Variants in ZNF723 observed in about 807,000 individuals in gnomAD.
ZNF723 encodes zinc finger protein 723.
In ZNF723, 5 loss-of-function variants were observed where a neutral mutation model predicts 9.4. The ratio of observed to expected loss-of-function variants is 0.53; its 90% CI spans 0.28 to 1.12. The LOEUF is 1.12. ZNF723 is among the 50% of genes most tolerant of loss of function. The pLI is 0.10. For missense variants in ZNF723, 450 were observed against 501.5 expected, an observed-to-expected ratio of 0.90 and a Z score of 0.98; for synonymous variants, 158 against 168.8, an observed-to-expected ratio of 0.94 and a Z score of 0.49.
chr19:22,838,247 C>T (rs1339230537), intron 1 of ZNF723, among the ~76,000 whole-genome samples: 1 of 152,120 alleles, frequency 6.6e-6, no homozygotes, highest in African/African-American at 2.4e-5. Context: ...TATTATTTAG[C>T]TCTTACTTAG....
At chr19:22,840,212 C>T (rs1967223643) in intron 1 of ZNF723, among the ~76,000 whole-genome samples, 1 of 151,778 alleles carries the variant, frequency 6.6e-6, no homozygotes, top group African/African-American at 2.4e-5. Context: ...TCGCTCATTG[C>T]CCAGGCTGGA....
At chr19:22,814,013 T>C in the ZNF723 span, among the ~76,000 whole-genome samples, 2 of 152,038 alleles carry the variant, frequency 1.3e-5, no homozygotes, top group South Asian at 4.2e-4. Context: ...GGTTTCACTA[T>C]GTTGGCCAGT....
the ZNF723 span, among the ~76,000 whole-genome samples, chr19:22,819,705 C>A: frequency 1.6e-3 from 249 of 152,326 alleles, 1 homozygote; most frequent in African/African-American, 5.8e-3. Flanking sequence ...CAATATGTAA[C>A]TATCCTGCCT....
intron 3 of ZNF723, among the ~76,000 whole-genome samples, chr19:22,850,886 A>T (rs1568407616): frequency 1.3e-5 from 2 of 152,106 alleles, no homozygotes; most frequent in Non-Finnish European, 2.9e-5. Context: ...ATATAATGTG[A>T]TCATGTTGAA....
rs940507158 is a variant in ZNF723, at chr19:22,858,106, C to G, written c.1215C>G (p.Ala405=). The G allele has an allele frequency of 2.0e-6, 3 of 1,477,824 alleles. No homozygotes were observed. In the African/African-American group the frequency reaches 4.2e-5, roughly 21 times the overall value. The allele number at this position is 1,477,824 out of a possible 1,614,324, so 91.5% of individuals were successfully genotyped here. The change falls in exon 4 of 4, where the codon GCC becomes GCG. Residue 405 remains alanine (A), a synonymous_variant. Transcript: ENST00000600766. ...KPYKCEECGK[A]FNQSSALTTH... ...ACAAATGTGAAGAATGTGGCAAAGC[C>G]TTTAACCAATCCTCAGCCCTTACTA...
intron 1 of ZNF723, among the ~76,000 whole-genome samples, chr19:22,835,767 A>C (rs1202006392): frequency 6.6e-6 from 1 of 152,144 alleles, no homozygotes; most frequent in East Asian, 1.9e-4. Flanking sequence ...CTGTATGGTA[A>C]ATTTCTGACA....
At chr19:22,832,512 C>G in intron 1 of ZNF723, 130 bp downstream of exon 1, 1 of 1,058,634 alleles carries the variant, frequency 9.4e-7, no homozygotes, top group Non-Finnish European at 1.4e-6. Context: ...CTAGCCTGGC[C>G]CGGCCTCAGA....
the ZNF723 span, among the ~76,000 whole-genome samples, chr19:22,826,138 C>G: frequency 6.6e-6 from 1 of 152,012 alleles, no homozygotes; most frequent in Non-Finnish European, 1.5e-5. Flanking sequence ...TGAGCCTTGC[C>G]CACTGGGGGC....
At chr19:22,855,070 A>T (rs1967455251) in intron 3 of ZNF723, among the ~76,000 whole-genome samples, 1 of 152,040 alleles carries the variant, frequency 6.6e-6, no homozygotes, top group Non-Finnish European at 1.5e-5. Context: ...ATTCTTCCTC[A>T]AATTTTTTAT....
At chr19:22,832,103 C>T (rs946219669), upstream of ZNF723, among the ~76,000 whole-genome samples, 3 of 152,196 alleles carry the variant, frequency 2.0e-5, no homozygotes, top group Non-Finnish European at 4.4e-5. Flanking sequence ...GAAGCCCTGC[C>T]TGAAAACGCC....
chr19:22,834,819 A>G (rs1599470641), intron 1 of ZNF723, among the ~76,000 whole-genome samples: 1 of 152,236 alleles, frequency 6.6e-6, no homozygotes, highest in East Asian at 1.9e-4. Context: ...GGATTCTCTA[A>G]GATTTGTGAA....
At chr19:22,844,788 CA>C (rs1967287059) in intron 1 of ZNF723, among the ~76,000 whole-genome samples, 1 of 152,150 alleles carries the variant, frequency 6.6e-6, no homozygotes, top group African/African-American at 2.4e-5. Flanking sequence ...ATAATGAGCC[CA>C]GGGGGAGCAT....
chr19:22,852,872 C>T (rs759288656), intron 3 of ZNF723, among the ~76,000 whole-genome samples: 2 of 152,026 alleles, frequency 1.3e-5, no homozygotes, highest in Non-Finnish European at 2.9e-5. Flanking sequence ...AACAGTGTAA[C>T]TGCTACATAT....
chr19:22,832,515 G>GC lies in ZNF723; in HGVS notation c.3+135dup, dbSNP rs369746775. On this transcript the variant is annotated intron_variant, in intron 1 of 3. Coordinates refer to ENST00000600766, the MANE Select transcript of ZNF723 (RefSeq NM_001349726.2). ...GCGCTCGGAGTTCTAGCCTGGCCCG[G>GC]CCTCAGACACCTTCAGCGATAAGAT... 50 of 1,024,140 alleles carry GC rather than the reference G, an allele frequency of 4.9e-5. 1 individual carries two copies. The African/African-American group carries it at 5.0e-4, about 10-fold the overall frequency. The allele number at this position is 1,024,140 out of a possible 1,614,324, so 63.4% of individuals were successfully genotyped here.
In ZNF723 at chr19:22,839,040, C is replaced by A. The variant is rs147728326; in HGVS notation, c.3+6658C>A. Among the ~76,000 whole-genome samples, 876 of 152,306 alleles carry A rather than the reference C, an allele frequency of 5.8e-3. 6 individuals carry two copies. Among genetic ancestry groups the A allele is most frequent in the South Asian group, 0.02 (96 of 4,828 alleles). On this transcript the variant is annotated intron_variant, in intron 1 of 3. Transcript: ENST00000600766. ...GGGATTACGGGCATGAGCCACCACG[C>A]CCGGCCTTCTAGAAATGGGGTTTCT...
chr19:22,837,019 A>G (rs779627279), intron 1 of ZNF723, among the ~76,000 whole-genome samples: 10 of 152,096 alleles, frequency 6.6e-5, no homozygotes, highest in South Asian at 2.1e-4. Flanking sequence ...TGGGGATGGC[A>G]CGATTACTCA....
the ZNF723 span, among the ~76,000 whole-genome samples, chr19:22,821,544 C>T: frequency 1.4e-4 from 21 of 152,208 alleles, 1 homozygote; most frequent in East Asian, 4.1e-3. Context: ...GCCCAGTACC[C>T]AGGTTATGTG....
At chr19:22,852,095 T>A (rs1490750154) in intron 3 of ZNF723, among the ~76,000 whole-genome samples, 3 of 152,162 alleles carry the variant, frequency 2.0e-5, no homozygotes, top group African/African-American at 7.2e-5. Flanking sequence ...AGCTAGAATT[T>A]TTTTTATAAA....
the ZNF723 span, among the ~76,000 whole-genome samples, chr19:22,815,316 C>T: frequency 3.9e-5 from 6 of 152,178 alleles, no homozygotes; most frequent in East Asian, 9.7e-4. Context: ...TTGCCTGCAT[C>T]CTGTCCACAG....
Sources: allele counts gnomAD v4.1 joint callset (sites outside exome capture counted in the v4.1 genomes callset), GRCh38; gene constraint gnomAD v4.1.1; transcripts MANE v1.5; gene names NCBI Gene and HGNC (gene_info 2026-07-23, HGNC 2026-07-21).